The following PRRC2C variants were observed in gnomAD, a reference collection of about 807,000 sequenced individuals.
The protein encoded by PRRC2C is protein PRRC2C.
PRRC2C carries 72 observed loss-of-function variants against 317.2 expected under a neutral mutation model. The observed-to-expected ratio is 0.23, with a 90% CI of 0.19 to 0.28. PRRC2C has a LOEUF of 0.28. Among genes scored for constraint, PRRC2C ranks in the 10% least tolerant of loss-of-function variants. The pLI, the probability that PRRC2C is intolerant of heterozygous loss-of-function variation, is 1.00. For missense variants in PRRC2C, 3,074 were observed against 3,459.7 expected (o/e 0.89, Z 2.80); for synonymous variants, 1,296 against 1,205.9 (o/e 1.07, Z -1.55).
At position 171,557,551 on chromosome 1, in the gene PRRC2C, C is replaced by G. The variant is rs1287360859; in HGVS notation, c.5439C>G (p.Ala1813=). The change falls in exon 19 of 35, where the codon GCC becomes GCG. Residue 1813 remains alanine, a synonymous_variant. Coordinates refer to ENST00000647382, the MANE Select transcript of PRRC2C (RefSeq NM_001387844.1). ...CCTCACCCTTAGCTCCAGTTTCAGC[C>G]TCAGCCTCAGTCTCAGCTTCAGTTC... ...VPASPLAPVS[A]SASVSASVPA... 15 of 1,551,496 alleles carry G rather than the reference C, an allele frequency of 9.7e-6. No individual in the cohort carries two copies. The African/African-American group carries it at 1.2e-4, about 13-fold the overall frequency.
chr1:171,521,478 A>G (rs534645779), intron 6 of PRRC2C, among the ~76,000 whole-genome samples: 4 of 152,322 alleles, frequency 2.6e-5, no homozygotes, highest in South Asian at 2.1e-4. Flanking sequence ...TCATCTGTGC[A>G]GTAACTTGAT....
At chr1:171,492,815 G>A (rs537760288) in intron 1 of PRRC2C, among the ~76,000 whole-genome samples, 2 of 151,498 alleles carry the variant, frequency 1.3e-5, no homozygotes, top group African/African-American at 2.4e-5. Context: ...GCAGTGGTGC[G>A]ATCTTGGCTC....
chr1:171,547,472 C>T (rs1679327773), intron 17 of PRRC2C, among the ~76,000 whole-genome samples: 1 of 152,038 alleles, frequency 6.6e-6, no homozygotes, highest in African/African-American at 2.4e-5. Flanking sequence ...GTAATGTGTG[C>T]ATGACATCCT....
chr1:171,486,721 T>A (rs1435669268), intron 1 of PRRC2C, among the ~76,000 whole-genome samples: 1 of 152,162 alleles, frequency 6.6e-6, no homozygotes, highest in African/African-American at 2.4e-5. Context: ...TGCTGTAAGA[T>A]TTTCATTTGG....
chr1:171,523,271 G>A lies in PRRC2C; in HGVS notation c.884G>A (p.Arg295His), dbSNP rs1413237512. ...PPPSWASEPE[R>H]PSILSASELK... Reference sequence around the variant, plus strand: ...CCTTCATGGGCCTCTGAGCCTGAACGCCCATCCATTCTTAGTGCATCAGAA... The same window carrying A: ...CCTTCATGGGCCTCTGAGCCTGAACACCCATCCATTCTTAGTGCATCAGAA... The change falls in exon 8 of 35, where the codon CGC (arginine) becomes CAC (histidine). Residue 295 changes from arginine (R) to histidine (H), a missense_variant. By Grantham distance (29) the Arg-to-His change is conservative. Around this residue, in one of 11 missense-constraint regions of PRRC2C, gnomAD observed 50 missense variants for 88.3 expected, o/e 0.57. Transcript: ENST00000647382. 2 of 1,613,314 alleles carry A rather than the reference G, an allele frequency of 1.2e-6. No homozygotes were observed. The highest frequency in any genetic ancestry group is 8.5e-7 in the Non-Finnish European group (1 of 1,179,586).
intron 24 of PRRC2C, among the ~76,000 whole-genome samples, chr1:171,573,190 CA>C (rs1235959121): frequency 6.6e-6 from 1 of 151,894 alleles, no homozygotes; most frequent in African/African-American, 2.4e-5. Context: ...ACATCATTGA[CA>C]AAATATGAAA....
At chr1:171,488,657 C>T (rs1300261751) in intron 1 of PRRC2C, among the ~76,000 whole-genome samples, 1 of 152,174 alleles carries the variant, frequency 6.6e-6, no homozygotes, top group South Asian at 2.1e-4. Flanking sequence ...TCCTTATTTT[C>T]CTCCAGATTA....
intron 34 of PRRC2C, 157 bp from the exon 35 acceptor site, chr1:171,591,430 C>T: frequency 8.1e-6 from 4 of 496,812 alleles, no homozygotes; most frequent in Non-Finnish European, 1.2e-5. Context: ...GAAATCTATT[C>T]ATTAAAAGCT....
Position 171,557,822 on chromosome 1 carries a change from G to T in PRRC2C, c.5710G>T (p.Val1904Phe). The part of the protein sequence containing the change: ...TIPASAPTAS[V>F]PLAPASASAP... Reference sequence around the variant, plus strand: ...CCCAGCCTCAGCCCCAACTGCCTCAGTCCCACTTGCCCCTGCCTCAGCTTC... The same window carrying T: ...CCCAGCCTCAGCCCCAACTGCCTCATTCCCACTTGCCCCTGCCTCAGCTTC... Residue 1904 changes from valine to phenylalanine, a missense_variant, in exon 19 of 35, where the codon GTC (valine) becomes TTC (phenylalanine). Val to Phe is a conservative substitution (Grantham distance 50). Coordinates refer to ENST00000647382, the MANE Select transcript of PRRC2C (RefSeq NM_001387844.1). The T allele has an allele frequency of 1.3e-6, 2 of 1,548,672 alleles. No individual in the cohort carries two copies. Among genetic ancestry groups the T allele is most frequent in the East Asian group, 4.9e-5 (2 of 40,856 alleles).
At chr1:171,549,266 G>T in intron 17 of PRRC2C, among the ~76,000 whole-genome samples, 1 of 152,120 alleles carries the variant, frequency 6.6e-6, no homozygotes, top group South Asian at 2.1e-4. Flanking sequence ...GAAACTGTTG[G>T]CCTGAAATGG....
intron 11 of PRRC2C, among the ~76,000 whole-genome samples, chr1:171,529,833 G>T (rs1300188377): frequency 6.6e-6 from 1 of 152,036 alleles, no homozygotes. Flanking sequence ...TGCTCTTCTT[G>T]ACTTTTTTAC....
intron 23 of PRRC2C, among the ~76,000 whole-genome samples, chr1:171,569,575 A>ATATATATATATATATAT (rs1684330118): frequency 1.7e-5 from 1 of 60,130 alleles, no homozygotes; most frequent in Admixed American, 1.8e-4. Context: ...AAGTGGTTTA[A>ATATATATATATATATAT]ATATATATAT....
At chr1:171,511,294 C>A (rs1218186341) in intron 1 of PRRC2C, 1 of 152,076 alleles carries the variant, frequency 6.6e-6, no homozygotes, top group Admixed American at 6.5e-5. Context: ...TTTTGCCTAT[C>A]TATTAATAGA....
chr1:171,515,921 A>G (rs568147217), intron 5 of PRRC2C, 62 bp downstream of exon 5: 8 of 1,478,976 alleles, frequency 5.4e-6, no homozygotes, highest in Non-Finnish European at 9.1e-7. Flanking sequence ...TTGCAATACA[A>G]CCTCCTGCTT....
chr1:171,540,486 T>C lies in PRRC2C; in HGVS notation c.3020T>C (p.Val1007Ala). 1 of 1,612,836 alleles carries C rather than the reference T, an allele frequency of 6.2e-7. No homozygotes were observed. Among genetic ancestry groups the C allele is most frequent in the Non-Finnish European group, 8.5e-7 (1 of 1,179,596 alleles). ...PRPSSNRREEVNDRPVRRSGP... is the reference protein window; with the variant it reads ...PRPSSNRREEANDRPVRRSGP... ...CCAAGCTCTAACAGAAGGGAAGAAG[T>C]TAATGATAGACCTGTGAGAAGATCA... The change falls in exon 16 of 35, where the codon GTT becomes GCT. Residue 1007 changes from valine (V) to alanine (A), a missense_variant. Around this residue, in one of 11 missense-constraint regions of PRRC2C, gnomAD observed 1,320 missense variants for 1,395.7 expected, o/e 0.95. Coordinates refer to ENST00000647382, the MANE Select transcript of PRRC2C (RefSeq NM_001387844.1).
intron 18 of PRRC2C, among the ~76,000 whole-genome samples, chr1:171,552,946 GT>G (rs1367080111): frequency 2.6e-5 from 4 of 152,084 alleles, no homozygotes; most frequent in Admixed American, 2.0e-4. Flanking sequence ...TGTCTGCCAG[GT>G]TTTGGTATCA....
Position 171,577,472 on chromosome 1 carries a change from T to C in PRRC2C, c.6994T>C (p.Ser2332Pro). ...TYTTSSLSTK[S>P]TTTSDPPNIC... is the part of the protein sequence containing the mutation. ...CACTACCTCTTCTTTGAGCACAAAA[T>C]CTACAACCACATCGGACCCTCCAAA... The change falls in exon 26 of 35, where the codon TCT (serine) becomes CCT (proline). Residue 2332 changes from serine to proline, a missense_variant. This residue lies in a region of PRRC2C where 490 missense variants were observed against 663.1 expected (regional missense o/e 0.74). Coordinates refer to ENST00000647382, the MANE Select transcript of PRRC2C (RefSeq NM_001387844.1). 6.2e-7 allele frequency: 1 copy of C among 1,612,864 alleles called. No individual in the cohort carries two copies. The highest frequency in any genetic ancestry group is 8.5e-7 in the Non-Finnish European group (1 of 1,179,036).
chr1:171,555,156 C>A (rs944377154), intron 18 of PRRC2C, among the ~76,000 whole-genome samples: 1 of 152,090 alleles, frequency 6.6e-6, no homozygotes, highest in African/African-American at 2.4e-5. Context: ...AGGCTTTGTT[C>A]GTTTCTTTTT....
chr1:171,542,937 T>A lies in PRRC2C; in HGVS notation c.4763+708T>A, dbSNP rs149895664. Among the ~76,000 whole-genome samples, 71 of 151,898 alleles carry A rather than the reference T, an allele frequency of 4.7e-4. No individual in the cohort carries two copies. The East Asian group carries it at 0.013, about 28-fold the overall frequency. On this transcript the variant is annotated intron_variant, in intron 16 of 34. Coordinates refer to ENST00000647382, the MANE Select transcript of PRRC2C (RefSeq NM_001387844.1). ...CACCATGCCTGGTTAATTTTTTGTA[T>A]TTTTAGTAGAGACGGGGTTTCACTG...
Sources: gnomAD v4.1 joint callset for allele counts (sites outside exome capture counted in the v4.1 genomes callset) on GRCh38, gnomAD v4.1.1 for gene constraint, gnomAD v4.1.1 regional missense constraint, MANE v1.5 for transcripts, NCBI Gene and HGNC (gene_info 2026-07-23, HGNC 2026-07-21) for gene names.